Variants in MAGI2 observed in about 807,000 individuals in gnomAD.
MAGI2 encodes membrane associated guanylate kinase, WW and PDZ domain containing 2.
MAGI2 carries 35 observed loss-of-function variants against 133.3 expected under a neutral mutation model. That is an observed-to-expected ratio of 0.26 (90% CI 0.20 to 0.35). MAGI2 has a LOEUF of 0.35. Among genes scored for constraint, MAGI2 ranks in the 10% least tolerant of loss-of-function variants. MAGI2 has a pLI of 1.00. For synonymous variants in MAGI2, 729 were observed against 710.6 expected, an observed-to-expected ratio of 1.03 and a Z score of -0.41; for missense variants, 1,636 against 1,863.4, an observed-to-expected ratio of 0.88 and a Z score of 2.25.
chr7:78,462,661 T>C (rs182896415), intron 6 of MAGI2, among the ~76,000 whole-genome samples: 2 of 152,334 alleles, frequency 1.3e-5, no homozygotes, highest in East Asian at 3.9e-4. Context: ...CAAAATGTAA[T>C]TAAAAATCCT....
At chr7:78,298,640 A>T (rs1396226199) in intron 9 of MAGI2, among the ~76,000 whole-genome samples, 2 of 151,974 alleles carry the variant, frequency 1.3e-5, no homozygotes, top group Non-Finnish European at 2.9e-5. Flanking sequence ...AATAGCTGGG[A>T]TTACAGGAAC....
intron 2 of MAGI2, among the ~76,000 whole-genome samples, chr7:78,635,230 G>T (rs910150543): frequency 6.6e-6 from 1 of 152,208 alleles, no homozygotes; most frequent in Non-Finnish European, 1.5e-5. Flanking sequence ...TGGCAACTGG[G>T]AGTGCCAATG....
chr7:79,247,359 A>T (rs927014349), intron 1 of MAGI2, among the ~76,000 whole-genome samples: 1 of 152,044 alleles, frequency 6.6e-6, no homozygotes, highest in African/African-American at 2.4e-5. Context: ...TCACCCCTGT[A>T]ATCCCAGCAC....
intron 2 of MAGI2, among the ~76,000 whole-genome samples, chr7:78,695,889 T>G (rs2151134718): frequency 6.6e-6 from 1 of 152,328 alleles, no homozygotes; most frequent in South Asian, 2.1e-4. Flanking sequence ...ATCCTAGTTT[T>G]TAAAAGACTT....
chr7:78,048,491 C>T lies in MAGI2; in HGVS notation c.3707-28515G>A, dbSNP rs576680022. 1.6e-4 allele frequency among the ~76,000 whole-genome samples: 24 copies of T among 152,190 alleles called. No homozygotes were observed. The East Asian group carries it at 3.3e-3, about 21-fold the overall frequency. Reference sequence around the variant, plus strand: ...AGTCCCCGCCAATGCCCCCCTCCACCGATTACTAAAATATCAGAAGCAATT... The same window carrying T: ...AGTCCCCGCCAATGCCCCCCTCCACTGATTACTAAAATATCAGAAGCAATT... On this transcript the variant is annotated intron_variant, in intron 21 of 21. Coordinates refer to ENST00000354212, the MANE Select transcript of MAGI2 (RefSeq NM_012301.4).
chr7:78,875,553 T>C (rs1163386022), intron 2 of MAGI2, among the ~76,000 whole-genome samples: 1 of 152,076 alleles, frequency 6.6e-6, no homozygotes, highest in East Asian at 1.9e-4. Flanking sequence ...AAATAAATAG[T>C]TTGGCTTTAA....
At chr7:78,562,621 T>G (rs1438991038) in intron 3 of MAGI2, among the ~76,000 whole-genome samples, 5 of 152,232 alleles carry the variant, frequency 3.3e-5, no homozygotes, top group African/African-American at 9.6e-5. Context: ...TAAAAAATCA[T>G]ACTATATCTA....
intron 9 of MAGI2, among the ~76,000 whole-genome samples, chr7:78,297,708 T>G (rs914721118): frequency 2.0e-5 from 3 of 151,632 alleles, no homozygotes; most frequent in African/African-American, 7.3e-5. Context: ...AAATCATCAT[T>G]CTCAGTAAAC....
At position 78,664,920 on chromosome 7, in the gene MAGI2, CCTTA is replaced by C. The variant is rs369185489; in HGVS notation, c.419-37685_419-37682del. On this transcript the variant is annotated intron_variant, in intron 2 of 21. Coordinates refer to ENST00000354212, the MANE Select transcript of MAGI2 (RefSeq NM_012301.4). ...AAACAATCACTCATGATTCATTCTT[CCTTA>C]CTTTATTCTATGTATAAATTTCATA... Among the ~76,000 whole-genome samples, 435 of 152,082 alleles carry C rather than the reference CCTTA, an allele frequency of 2.9e-3. 4 individuals carry two copies. The highest frequency in any genetic ancestry group is 9.7e-3 in the African/African-American group (404 of 41,538).
In MAGI2 at chr7:78,218,817, G is replaced by C. The variant is rs74521256; in HGVS notation, c.2048-17624C>G. On this transcript the variant is annotated intron_variant, in intron 10 of 21. Transcript: ENST00000354212. ...TTGGATTCTTCACACAGCGTCAGTG[G>C]GGACTAATCTAGGTTTTTTCCTAAT... is the stretch of plus-strand genomic sequence containing the variant. Among the ~76,000 whole-genome samples the C allele has an allele frequency of 6.1e-3, 921 of 152,206 alleles. 12 individuals carry two copies. Among genetic ancestry groups the C allele is most frequent in the African/African-American group, 0.021 (876 of 41,532 alleles).
intron 2 of MAGI2, among the ~76,000 whole-genome samples, chr7:78,740,983 T>C (rs1314005336): frequency 6.6e-6 from 1 of 152,206 alleles, no homozygotes; most frequent in Non-Finnish European, 1.5e-5. Context: ...TTAGACTACT[T>C]AATCAACATC....
chr7:78,276,995 T>A (rs1795119889), intron 9 of MAGI2, among the ~76,000 whole-genome samples: 1 of 152,166 alleles, frequency 6.6e-6, no homozygotes, highest in South Asian at 2.1e-4. Context: ...TTTAAAACGA[T>A]TTTCCAATCT....
intron 1 of MAGI2, among the ~76,000 whole-genome samples, chr7:79,239,436 T>C (rs1832205604): frequency 6.6e-6 from 1 of 152,212 alleles, no homozygotes; most frequent in African/African-American, 2.4e-5. Flanking sequence ...ATGTCACTGA[T>C]CAATGGTTTC....
At chr7:78,645,168 A>C (rs981595477) in intron 2 of MAGI2, among the ~76,000 whole-genome samples, 3 of 151,674 alleles carry the variant, frequency 2.0e-5, no homozygotes, top group Middle Eastern at 3.4e-3. Flanking sequence ...TTAGTTAAAA[A>C]CTATCACTTA....
At chr7:78,670,689 A>AACCAAAACAGCATGGTACCGGT (rs1164297318) in intron 2 of MAGI2, among the ~76,000 whole-genome samples, 1 of 152,206 alleles carries the variant, frequency 6.6e-6, no homozygotes, top group African/African-American at 2.4e-5. Flanking sequence ...AGGCTAGAGT[A>AACCAAAACAGCATGGTACCGGT]ACCAAAACAG....
intron 1 of MAGI2, among the ~76,000 whole-genome samples, chr7:79,255,393 G>A (rs1056389741): frequency 6.6e-6 from 1 of 152,184 alleles, no homozygotes; most frequent in South Asian, 2.1e-4. Flanking sequence ...TTCGCATGAA[G>A]TGTAAGGTAT....
intron 6 of MAGI2, among the ~76,000 whole-genome samples, chr7:78,392,277 C>G (rs937979900): frequency 6.6e-6 from 1 of 152,082 alleles, no homozygotes. Context: ...TCATGACTTT[C>G]ATTGATTCTC....
intron 1 of MAGI2, among the ~76,000 whole-genome samples, chr7:79,297,121 A>C (rs1836996742): frequency 6.6e-6 from 1 of 152,240 alleles, no homozygotes; most frequent in African/African-American, 2.4e-5. Context: ...AGAGCAATCA[A>C]GTTTGCACAT....
intron 13 of MAGI2, among the ~76,000 whole-genome samples, chr7:78,179,075 G>A (rs182396427): frequency 6.6e-5 from 10 of 152,302 alleles, no homozygotes; most frequent in East Asian, 1.9e-4. Context: ...ACCAAGCTGC[G>A]CATACTTTCA....
Sources: allele counts gnomAD v4.1 joint callset (sites outside exome capture counted in the v4.1 genomes callset), GRCh38; gene constraint gnomAD v4.1.1; transcripts MANE v1.5; gene names NCBI Gene and HGNC (gene_info 2026-07-23, HGNC 2026-07-21).